RBFOX1: variants seen among roughly 807,000 people sequenced by gnomAD.
RBFOX1 encodes RNA binding fox-1 homolog 1.
In RBFOX1, 8 loss-of-function variants were observed where a neutral mutation model predicts 57.7. The ratio of observed to expected loss-of-function variants is 0.14; its 90% CI spans 0.08 to 0.25. The LOEUF (loss-of-function observed/expected upper bound fraction) is 0.25, where lower values mean the gene tolerates loss of function less well. Ranked by LOEUF, RBFOX1 falls within the 10% of genes least tolerant of loss-of-function variation. The pLI, the probability that RBFOX1 is intolerant of heterozygous loss-of-function variation, is 1.00. For missense variants in RBFOX1, 611 were observed against 548.5 expected, an observed-to-expected ratio of 1.11 and a Z score of -1.14; for synonymous variants, 326 against 222.4, an observed-to-expected ratio of 1.47 and a Z score of -4.15.
chr16:7,451,382 T>G (rs2098853656), intron 4 of RBFOX1, among the ~76,000 whole-genome samples: 1 of 152,196 alleles, frequency 6.6e-6, no homozygotes, highest in Non-Finnish European at 1.5e-5. Flanking sequence ...TTCGGAGCAG[T>G]GAAATCCAAG....
intron 4 of RBFOX1, among the ~76,000 whole-genome samples, chr16:7,087,303 T>A (rs538052137): frequency 6.5e-4 from 99 of 152,298 alleles, no homozygotes; most frequent in Middle Eastern, 6.8e-3. Flanking sequence ...CGCCTTCCTG[T>A]AAATTCCACC....
chr16:6,716,554 A>G (rs1603453759), intron 3 of RBFOX1, among the ~76,000 whole-genome samples: 2 of 152,276 alleles, frequency 1.3e-5, no homozygotes, highest in Admixed American at 6.5e-5. Flanking sequence ...TTACTCTTCC[A>G]TCTTCTTGGA....
At chr16:5,528,544 TC>T (rs1229413668) in intron 2 of RBFOX1, among the ~76,000 whole-genome samples, 3 of 143,460 alleles carry the variant, frequency 2.1e-5, no homozygotes, top group African/African-American at 7.8e-5. Flanking sequence ...CGACAGCTCT[TC>T]TTTTTTTTTT....
At chr16:5,516,617 G>A (rs141952633) in intron 2 of RBFOX1, among the ~76,000 whole-genome samples, 2 of 152,032 alleles carry the variant, frequency 1.3e-5, no homozygotes, top group Non-Finnish European at 2.9e-5. Flanking sequence ...TCCTGATTTG[G>A]TTTTGTGGTA....
intron 3 of RBFOX1, among the ~76,000 whole-genome samples, chr16:5,828,747 A>G (rs2151821878): frequency 6.6e-6 from 1 of 152,212 alleles, no homozygotes; most frequent in African/African-American, 2.4e-5. Context: ...AGAGTGGAGG[A>G]TTTCAGCAGA....
intron 4 of RBFOX1, among the ~76,000 whole-genome samples, chr16:7,344,101 CTTTTTTTT>C (rs61008217): frequency 1.1e-5 from 1 of 90,612 alleles, no homozygotes; most frequent in East Asian, 3.4e-4. Context: ...CTCAGCTTTA[CTTTTTTTT>C]TTTTTTTTTT....
chr16:7,467,516 TG>T (rs1448956901), intron 4 of RBFOX1, among the ~76,000 whole-genome samples: 1 of 152,122 alleles, frequency 6.6e-6, no homozygotes, highest in Non-Finnish European at 1.5e-5. Flanking sequence ...TATAATATAA[TG>T]GGTGAGAACA....
intron 5 of RBFOX1, among the ~76,000 whole-genome samples, chr16:7,537,734 T>G (rs534639814): frequency 6.6e-6 from 1 of 152,262 alleles, no homozygotes; most frequent in Admixed American, 6.5e-5. Flanking sequence ...GGAATAGTGT[T>G]TGGAATTAAC....
chr16:7,026,181 G>T (rs1279063324), intron 3 of RBFOX1, among the ~76,000 whole-genome samples: 1 of 152,096 alleles, frequency 6.6e-6, no homozygotes, highest in Middle Eastern at 3.2e-3. Flanking sequence ...AACTTCTTGG[G>T]GCCTACTCTG....
intron 4 of RBFOX1, among the ~76,000 whole-genome samples, chr16:7,214,543 T>C (rs1427114723): frequency 6.6e-6 from 1 of 152,038 alleles, no homozygotes; most frequent in South Asian, 2.1e-4. Flanking sequence ...GAAACCGCTG[T>C]GGTTTCTGCT....
chr16:5,547,079 A>G lies in RBFOX1; in HGVS notation c.259-51823A>G, dbSNP rs56854209. 5.2e-3 allele frequency among the ~76,000 whole-genome samples: 799 copies of G among 152,336 alleles called. 4 individuals carry two copies. The highest frequency in any genetic ancestry group is 0.018 in the African/African-American group (730 of 41,578). The stretch of plus-strand genomic sequence containing the variant: ...CATTATACATCTTCTAGGATGACTG[A>G]AAGTAGAAAGACTGACCACACCAAG... On this transcript the variant is annotated intron_variant, in intron 2 of 2. Transcript: ENST00000585867.
At chr16:7,484,664 A>G (rs888938363) in intron 4 of RBFOX1, among the ~76,000 whole-genome samples, 3 of 152,140 alleles carry the variant, frequency 2.0e-5, no homozygotes, top group Non-Finnish European at 4.4e-5. Flanking sequence ...AGGTTTCACC[A>G]TGTTGGTCAG....
At chr16:6,895,756 T>A (rs2066742864) in intron 3 of RBFOX1, among the ~76,000 whole-genome samples, 1 of 152,000 alleles carries the variant, frequency 6.6e-6, no homozygotes. Flanking sequence ...CAGTGAGGAA[T>A]GAGCCCTAAG....
At chr16:7,191,868 T>A (rs74972223) in intron 4 of RBFOX1, among the ~76,000 whole-genome samples, 5,564 of 152,278 alleles carry the variant, frequency 0.037, 149 homozygotes, top group South Asian at 0.091. Flanking sequence ...ACCAGGCAAC[T>A]TTGAGGCAGA....
chr16:5,937,109 TATAA>T (rs1231665265), intron 4 of RBFOX1, among the ~76,000 whole-genome samples: 7 of 152,234 alleles, frequency 4.6e-5, no homozygotes, highest in Admixed American at 1.3e-4. Context: ...GTGGATAATT[TATAA>T]ATAAGGCCAA....
chr16:6,864,910 T>C (rs1451273441), intron 3 of RBFOX1, among the ~76,000 whole-genome samples: 2 of 152,000 alleles, frequency 1.3e-5, no homozygotes, highest in Non-Finnish European at 2.9e-5. Flanking sequence ...GTTTCTCTTT[T>C]TGCTGATAAA....
At chr16:5,952,107 A>G (rs2059533046) in intron 4 of RBFOX1, among the ~76,000 whole-genome samples, 1 of 150,554 alleles carries the variant, frequency 6.6e-6, no homozygotes, top group South Asian at 2.1e-4. Flanking sequence ...ATATACACAC[A>G]TATATGTATA....
rs145430621 is a variant in RBFOX1, at chr16:5,649,408, G to C, written c.318+50447G>C. ...TGGTCTTGAACTCCTGACCTCAGGT[G>C]ATCCACCTGCCTCGGTCTCCCAAAG... On this transcript the variant is annotated intron_variant, in intron 3 of 19. Transcript: ENST00000641259. 2.0e-5 allele frequency among the ~76,000 whole-genome samples: 3 copies of C among 152,240 alleles called. No individual in the cohort carries two copies. The East Asian group carries it at 5.8e-4, about 30-fold the overall frequency.
chr16:7,230,721 C>A (rs796648714), intron 4 of RBFOX1, among the ~76,000 whole-genome samples: 13 of 152,304 alleles, frequency 8.5e-5, no homozygotes, highest in African/African-American at 3.1e-4. Flanking sequence ...ACCTTTAAGG[C>A]CACTTCTGTC....
Sources: gnomAD v4.1 joint callset for allele counts (sites outside exome capture counted in the v4.1 genomes callset) on GRCh38, gnomAD v4.1.1 for gene constraint, MANE v1.5 for transcripts, NCBI Gene and HGNC (gene_info 2026-07-23, HGNC 2026-07-21) for gene names.